Variants in UBIAD1 observed in about 807,000 individuals in gnomAD.
UBIAD1 encodes the protein ubiA prenyltransferase domain-containing protein 1.
Under a neutral mutation model 20.1 loss-of-function variants are expected in UBIAD1, and 12 were observed. The observed-to-expected ratio is 0.60, with a 90% CI of 0.38 to 0.97. The LOEUF (loss-of-function observed/expected upper bound fraction) is 0.97, where lower values mean the gene tolerates loss of function less well. Among genes scored for constraint, UBIAD1 ranks in the 50% least tolerant of loss-of-function variants. UBIAD1 has a pLI of 0.00. For synonymous variants in UBIAD1, 207 were observed against 189.2 expected, an observed-to-expected ratio of 1.09 and a Z score of -0.77; for missense variants, 333 against 419.5, an observed-to-expected ratio of 0.79 and a Z score of 1.80.
rs1312016782 is a variant in UBIAD1, at chr1:11,285,410, G to A, written c.530-234G>A. Among the ~76,000 whole-genome samples, 1 of 152,176 alleles carries A rather than the reference G, an allele frequency of 6.6e-6. No homozygotes were observed. The highest frequency in any genetic ancestry group is 6.5e-5 in the Admixed American group (1 of 15,272). ...GGGGACAGTAGGAAGGGAAACTTGG[G>A]TATGAACCTGGGAAGAGGGACTTGA... On this transcript the variant is annotated intron_variant, in intron 1 of 1. Transcript: ENST00000376810. This position sits in a 1 kb window ranked among gnomAD's most constrained non-coding sequence, Gnocchi z 4.4.
downstream of UBIAD1, among the ~76,000 whole-genome samples, chr1:11,299,379 G>C (rs777775717): frequency 6.6e-6 from 1 of 152,154 alleles, no homozygotes; most frequent in Non-Finnish European, 1.5e-5. Context: ...TGACTTGCTC[G>C]GGATCACAAC....
intron 1 of UBIAD1, among the ~76,000 whole-genome samples, chr1:11,284,615 C>T (rs1165742717): frequency 6.6e-6 from 1 of 152,140 alleles, no homozygotes; most frequent in Non-Finnish European, 1.5e-5. Flanking sequence ...CAGGCGTGTG[C>T]CACACGCTTG....
downstream of UBIAD1, among the ~76,000 whole-genome samples, chr1:11,293,039 C>G (rs551209726): frequency 6.6e-6 from 1 of 152,308 alleles, no homozygotes; most frequent in African/African-American, 2.4e-5. Flanking sequence ...CATCAGGAGG[C>G]TTGCAAACGG....
At position 11,286,179 on chromosome 1, in the gene UBIAD1, A is replaced by T. The variant is rs368504935; in HGVS notation, c.*48A>T. On this transcript the variant is annotated 3_prime_UTR_variant, in exon 2 of 2. Coordinates refer to ENST00000376810, the MANE Select transcript of UBIAD1 (RefSeq NM_013319.3). ...GACATGTCTCCCTTTCTTAGAATATATTAAAGTCAGAGTCTCTGAGGAAGG... is the reference window on the plus strand; with the variant it reads ...GACATGTCTCCCTTTCTTAGAATATTTTAAAGTCAGAGTCTCTGAGGAAGG... 1.2e-6 allele frequency: 2 copies of T among 1,612,524 alleles called. No individual in the cohort carries two copies. Among genetic ancestry groups the T allele is most frequent in the Non-Finnish European group, 1.7e-6 (2 of 1,179,112 alleles).
At chr1:11,296,670 C>A (rs1003795681), downstream of UBIAD1, among the ~76,000 whole-genome samples, 1 of 152,142 alleles carries the variant, frequency 6.6e-6, no homozygotes, top group East Asian at 1.9e-4. Flanking sequence ...CAGGCTTGCA[C>A]CACCATGCCC....
chr1:11,273,279 G>A lies in UBIAD1; in HGVS notation c.-253G>A, dbSNP rs985800262. 2.4e-5 allele frequency: 13 copies of A among 552,278 alleles called. No homozygotes were observed. The highest frequency in any genetic ancestry group is 2.1e-4 in the African/African-American group (11 of 52,656). The allele number at this position is 552,278 out of a possible 1,614,324, so 34.2% of individuals were successfully genotyped here. A position where few individuals can be genotyped will look rare whatever the true frequency, so the allele number is the denominator to read the frequency against. On this transcript the variant is annotated 5_prime_UTR_variant, in exon 1 of 2. Coordinates refer to ENST00000376810, the MANE Select transcript of UBIAD1 (RefSeq NM_013319.3). This position sits in a 1 kb window ranked among gnomAD's most constrained non-coding sequence, Gnocchi z 4.9. ...AGAAGGCGGCCGCGGCTCAGCCGTG[G>A]GCTCTAACGCGGGGCTGGGGGCCGG...
Position 11,285,532 on chromosome 1 carries a change from A to C in UBIAD1, c.530-112A>C. On this transcript the variant is annotated intron_variant, in intron 1 of 1. Coordinates refer to ENST00000376810, the MANE Select transcript of UBIAD1 (RefSeq NM_013319.3). This position sits in a 1 kb window ranked among gnomAD's most constrained non-coding sequence, Gnocchi z 4.4. ...GGATGAAATGAGTGCCCACCTGCAC[A>C]GTCTAAGGATTTACCATTTTCAGCC... The C allele has an allele frequency of 3.9e-6, 6 of 1,525,358 alleles. No homozygotes were observed. In the South Asian group the frequency reaches 6.9e-5, roughly 18 times the overall value. 94.5% of individuals were successfully genotyped at this position (1,525,358 alleles called of 1,614,324 possible).
chr1:11,288,853 A>C (rs1253961217), downstream of UBIAD1, among the ~76,000 whole-genome samples: 1 of 152,122 alleles, frequency 6.6e-6, no homozygotes, highest in East Asian at 1.9e-4. Context: ...TCGAGGCTGC[A>C]GTGAGGTATG....
intron 1 of UBIAD1, among the ~76,000 whole-genome samples, chr1:11,276,190 G>C (rs1652020478): frequency 6.6e-6 from 1 of 152,180 alleles, no homozygotes; most frequent in African/African-American, 2.4e-5. Flanking sequence ...AGCGATGTTT[G>C]GTGGCTTGTA....
chr1:11,297,170 C>T (rs892645031), downstream of UBIAD1, among the ~76,000 whole-genome samples: 1 of 152,160 alleles, frequency 6.6e-6, no homozygotes, highest in Non-Finnish European at 1.5e-5. Context: ...AATGTTGAAT[C>T]CTATGTTGAA....
At chr1:11,295,177 G>A (rs897273104), downstream of UBIAD1, 4 of 461,820 alleles carry the variant, frequency 8.7e-6, no homozygotes, top group Admixed American at 3.5e-5. Flanking sequence ...AGGTAGAGAT[G>A]GGGCTGCTGG....
intron 1 of UBIAD1, among the ~76,000 whole-genome samples, chr1:11,293,827 C>A (rs1356471180): frequency 6.6e-6 from 1 of 152,234 alleles, no homozygotes; most frequent in Non-Finnish European, 1.5e-5. Context: ...AGGCACCCAC[C>A]ACCATGCCCA....
At chr1:11,279,566 G>A (rs1236062453) in intron 1 of UBIAD1, among the ~76,000 whole-genome samples, 2 of 152,144 alleles carry the variant, frequency 1.3e-5, no homozygotes, top group Non-Finnish European at 2.9e-5. Context: ...ACAGGCGTCT[G>A]CCACCATGCC....
At chr1:11,278,847 C>T (rs572033460) in intron 1 of UBIAD1, 5 of 449,924 alleles carry the variant, frequency 1.1e-5, no homozygotes, top group African/African-American at 8.1e-5. Context: ...GGTCCACTTT[C>T]TATTTTCAGG....
At chr1:11,293,008 G>T (rs1486762451), downstream of UBIAD1, among the ~76,000 whole-genome samples, 3 of 152,130 alleles carry the variant, frequency 2.0e-5, no homozygotes. Context: ...CTGAGGAGGG[G>T]GCAAAGGCTG....
chr1:11,278,221 G>A (rs1012899738), intron 1 of UBIAD1, among the ~76,000 whole-genome samples: 7 of 152,136 alleles, frequency 4.6e-5, no homozygotes, highest in African/African-American at 7.2e-5. Flanking sequence ...GCCTCCCAAA[G>A]TGCTGGGATT....
chr1:11,273,974 G>T lies in UBIAD1; in HGVS notation c.443G>T (p.Cys148Phe). 1 of 1,614,206 alleles carries T rather than the reference G, an allele frequency of 6.2e-7. No homozygotes were observed. Among genetic ancestry groups the T allele is most frequent in the Non-Finnish European group, 8.5e-7 (1 of 1,180,034 alleles). The change falls in exon 1 of 2, where the codon TGC becomes TTC. Residue 148 changes from cysteine (C) to phenylalanine (F), a missense_variant. Cys to Phe is a radical substitution (Grantham distance 205, BLOSUM62 -2). This residue lies in a region of UBIAD1 where 226 missense variants were observed against 263.5 expected (regional missense o/e 0.86). Coordinates refer to ENST00000376810, the MANE Select transcript of UBIAD1 (RefSeq NM_013319.3). The surrounding 1 kb of genome is among the most constrained non-coding windows in gnomAD (Gnocchi z 4.9). ...ACGTTGGGCTGCGTCTGTGCCGCTT[G>T]CCTCTACTACCTGTCCCCTCTGAAA... ...LYTLGCVCAA[C>F]LYYLSPLKLE... is the part of the protein sequence containing the mutation.
In UBIAD1 at chr1:11,285,858, G is replaced by C; in HGVS notation, c.744G>C (p.Leu248=). The C allele has an allele frequency of 1.2e-6, 2 of 1,614,166 alleles. No homozygotes were observed. Among genetic ancestry groups the C allele is most frequent in the South Asian group, 2.2e-5 (2 of 91,080 alleles). ...ACCGGGAGGCTGGTATCGTCACGCTGGCCATCCTCATCGGCCCCACGTTCT... is the reference window on the plus strand; with the variant it reads ...ACCGGGAGGCTGGTATCGTCACGCTCGCCATCCTCATCGGCCCCACGTTCT... ...ESDREAGIVT[L]AILIGPTFSY... is the part of the protein sequence containing the mutation. Residue 248 remains leucine (L), a synonymous_variant, in exon 2 of 2, where the codon CTG becomes CTC. Transcript: ENST00000376810. The surrounding 1 kb of genome is among the most constrained non-coding windows in gnomAD (Gnocchi z 4.4).
Position 11,285,076 on chromosome 1 carries a change from A to G in UBIAD1, c.530-568A>G, listed in dbSNP as rs1638231584. On this transcript the variant is annotated intron_variant, in intron 1 of 1. Coordinates refer to ENST00000376810, the MANE Select transcript of UBIAD1 (RefSeq NM_013319.3). This position sits in a 1 kb window ranked among gnomAD's most constrained non-coding sequence, Gnocchi z 4.4. Reference sequence around the variant, plus strand: ...AGACAGAGGAGGAAAGCAGCATTATAACTCTCCTGTCCTCGCTGTTTTGCT... The same window carrying G: ...AGACAGAGGAGGAAAGCAGCATTATGACTCTCCTGTCCTCGCTGTTTTGCT... Among the ~76,000 whole-genome samples the G allele has an allele frequency of 6.6e-6, 1 of 152,198 alleles. No homozygotes were observed. Among genetic ancestry groups the G allele is most frequent in the South Asian group, 2.1e-4 (1 of 4,834 alleles).
Sources: gnomAD v4.1 joint callset for allele counts (sites outside exome capture counted in the v4.1 genomes callset) on GRCh38, gnomAD v4.1.1 for gene constraint, gnomAD v4.1.1 regional missense constraint, Gnocchi (gnomAD v3.1) non-coding constraint, MANE v1.5 for transcripts, NCBI Gene and HGNC (gene_info 2026-07-23, HGNC 2026-07-21) for gene names.